The following EPB41L2 variants were observed in gnomAD, a reference collection of about 807,000 sequenced individuals.
EPB41L2 encodes erythrocyte membrane protein band 4.1 like 2.
Under a neutral mutation model 113.0 loss-of-function variants are expected in EPB41L2, and 43 were observed. That is an observed-to-expected ratio of 0.38 (90% CI 0.30 to 0.49). The LOEUF is 0.49. Ranked by LOEUF, EPB41L2 falls within the 20% of genes least tolerant of loss-of-function variation. The pLI, the probability that EPB41L2 is intolerant of heterozygous loss-of-function variation, is 0.95. For synonymous variants in EPB41L2, 442 were observed against 436.7 expected (o/e 1.01, Z -0.15); for missense variants, 1,147 against 1,223.4 (o/e 0.94, Z 0.93).
chr6:130,914,487 T>C (rs1477988670), intron 4 of EPB41L2, among the ~76,000 whole-genome samples: 1 of 152,206 alleles, frequency 6.6e-6, no homozygotes, highest in Non-Finnish European at 1.5e-5. Context: ...AGAGCTTCTA[T>C]GTACATGTTA....
intron 10 of EPB41L2, among the ~76,000 whole-genome samples, chr6:130,893,749 A>C (rs1793704477): frequency 6.6e-6 from 1 of 152,214 alleles, no homozygotes. Flanking sequence ...TAGCAGACAG[A>C]GAAGGTAAAT....
intron 1 of EPB41L2, among the ~76,000 whole-genome samples, chr6:130,983,112 C>T (rs1333976657): frequency 6.6e-6 from 1 of 152,206 alleles, no homozygotes; most frequent in Non-Finnish European, 1.5e-5. Flanking sequence ...CTATAATCAT[C>T]AGGACTTTAT....
chr6:130,914,052 A>T (rs1435854906), intron 4 of EPB41L2, among the ~76,000 whole-genome samples: 1 of 152,204 alleles, frequency 6.6e-6, no homozygotes, highest in Non-Finnish European at 1.5e-5. Flanking sequence ...TCAGAAATAC[A>T]CGCAGTAAAA....
intron 11 of EPB41L2, among the ~76,000 whole-genome samples, chr6:130,887,835 C>T (rs1020542596): frequency 6.6e-6 from 1 of 152,194 alleles, no homozygotes; most frequent in Non-Finnish European, 1.5e-5. Flanking sequence ...CTTGGTTCCT[C>T]AACCCCCAAA....
intron 6 of EPB41L2, among the ~76,000 whole-genome samples, chr6:130,903,460 C>T (rs886370926): frequency 4.6e-5 from 7 of 151,508 alleles, no homozygotes; most frequent in Non-Finnish European, 8.8e-5. Flanking sequence ...TCCATCCTTG[C>T]TATTTCACAT....
chr6:130,887,787 C>T (rs965500214), intron 11 of EPB41L2, among the ~76,000 whole-genome samples: 8 of 152,182 alleles, frequency 5.3e-5, no homozygotes, highest in East Asian at 3.8e-4. Context: ...ATTTAAGTAA[C>T]GTCCCTGTTC....
At chr6:130,890,991 C>T (rs1030960490) in intron 10 of EPB41L2, among the ~76,000 whole-genome samples, 3 of 152,138 alleles carry the variant, frequency 2.0e-5, no homozygotes, top group Non-Finnish European at 4.4e-5. Flanking sequence ...ACTGCTTAAT[C>T]CCTGGGTTCA....
At chr6:130,944,206 C>CACA (rs1175619158) in intron 3 of EPB41L2, among the ~76,000 whole-genome samples, 1 of 150,708 alleles carries the variant, frequency 6.6e-6, no homozygotes, top group Non-Finnish European at 1.5e-5. Flanking sequence ...CACACACACA[C>CACA]AAATGCCCAA....
intron 1 of EPB41L2, among the ~76,000 whole-genome samples, chr6:130,970,108 C>T (rs539537885): frequency 1.3e-5 from 2 of 152,130 alleles, no homozygotes; most frequent in African/African-American, 2.4e-5. Flanking sequence ...AAACAGTGTA[C>T]GTACCCAGAT....
At chr6:131,004,303 G>A (rs2128716698) in intron 1 of EPB41L2, among the ~76,000 whole-genome samples, 1 of 152,232 alleles carries the variant, frequency 6.6e-6, no homozygotes, top group Admixed American at 6.5e-5. Context: ...AGTGAACCTG[G>A]GGGTGTAAGC....
At chr6:130,879,253 A>C (rs1423814047) in intron 13 of EPB41L2, among the ~76,000 whole-genome samples, 1 of 152,256 alleles carries the variant, frequency 6.6e-6, no homozygotes, top group Non-Finnish European at 1.5e-5. Context: ...AGCCATTTGC[A>C]AAAACTCATG....
At chr6:130,977,411 A>G (rs1454405602) in intron 1 of EPB41L2, among the ~76,000 whole-genome samples, 1 of 152,168 alleles carries the variant, frequency 6.6e-6, no homozygotes, top group East Asian at 1.9e-4. Flanking sequence ...GATTCTTACT[A>G]ATAATCTCAA....
At chr6:130,866,869 T>C (rs77559859) in intron 16 of EPB41L2, among the ~76,000 whole-genome samples, 65 of 152,362 alleles carry the variant, frequency 4.3e-4, no homozygotes, top group African/African-American at 1.5e-3. Flanking sequence ...AATCTGATAA[T>C]TATTTAGACA....
At chr6:130,844,846 C>T (rs1399481674) in intron 19 of EPB41L2, among the ~76,000 whole-genome samples, 1 of 151,992 alleles carries the variant, frequency 6.6e-6, no homozygotes, top group Non-Finnish European at 1.5e-5. Flanking sequence ...AGTTTGGGAC[C>T]AGCCTGGCCA....
chr6:131,060,454 T>A (rs1159044932), intron 1 of EPB41L2, among the ~76,000 whole-genome samples: 2 of 152,248 alleles, frequency 1.3e-5, no homozygotes, highest in Admixed American at 6.5e-5. Flanking sequence ...AAGCAAGTGG[T>A]TGGGTAGTAC....
intron 1 of EPB41L2, among the ~76,000 whole-genome samples, chr6:130,965,589 C>A (rs1319019105): frequency 7.0e-6 from 1 of 143,358 alleles, no homozygotes; most frequent in South Asian, 2.2e-4. Context: ...TTGGCTAGGC[C>A]AATTTAAATC....
At chr6:130,922,073 C>A (rs1311854915) in intron 4 of EPB41L2, among the ~76,000 whole-genome samples, 1 of 152,192 alleles carries the variant, frequency 6.6e-6, no homozygotes, top group African/African-American at 2.4e-5. Flanking sequence ...CATATGCGCA[C>A]ACGCACGCAC....
chr6:130,921,457 G>A (rs1802854443), intron 4 of EPB41L2, among the ~76,000 whole-genome samples: 1 of 152,074 alleles, frequency 6.6e-6, no homozygotes, highest in Admixed American at 6.6e-5. Context: ...CCCCCTGCCA[G>A]CTTGCCTACC....
rs1428116402 is a variant in EPB41L2, at chr6:130,974,725, T to TTTTTC, written c.-14-18227_-14-18226insGAAAA. On this transcript the variant is annotated intron_variant, in intron 1 of 19. Coordinates refer to ENST00000337057, the MANE Select transcript of EPB41L2 (RefSeq NM_001431.4). ...CTTTTTTCTTTTCTTTTCTTTTTTT[T>TTTTTC]TTTTTTTTTTTTTTTTTTGAGATGG... 1.8e-3 allele frequency among the ~76,000 whole-genome samples: 226 copies of TTTTTC among 125,206 alleles called. 3 individuals are homozygous for TTTTTC. The highest frequency in any genetic ancestry group is 3.1e-3 in the Non-Finnish European group (181 of 58,522). 82.1% of individuals were successfully genotyped at this position (125,206 alleles called of 152,430 possible).
Sources: gnomAD v4.1 joint callset for allele counts (sites outside exome capture counted in the v4.1 genomes callset) on GRCh38, gnomAD v4.1.1 for gene constraint, MANE v1.5 for transcripts, NCBI Gene and HGNC (gene_info 2026-07-23, HGNC 2026-07-21) for gene names.